Variants in EML4 observed in about 807,000 individuals in gnomAD.
EML4 encodes EMAP like 4.
Under a neutral mutation model 129.0 loss-of-function variants are expected in EML4, and 72 were observed. The ratio of observed to expected loss-of-function variants is 0.56; its 90% CI spans 0.46 to 0.68. The LOEUF is 0.68. Ranked by LOEUF, EML4 falls within the 30% of genes least tolerant of loss-of-function variation. The pLI, the probability that EML4 is intolerant of heterozygous loss-of-function variation, is 0.00. For missense variants in EML4, 1,363 were observed against 1,190.6 expected, an observed-to-expected ratio of 1.14 and a Z score of -2.13; for synonymous variants, 532 against 405.0, an observed-to-expected ratio of 1.31 and a Z score of -3.77.
chr2:42,197,677 A>G (rs1156589316), intron 1 of EML4, among the ~76,000 whole-genome samples: 2 of 152,202 alleles, frequency 1.3e-5, no homozygotes, highest in Non-Finnish European at 2.9e-5. Flanking sequence ...TTTTATCTTA[A>G]AAAGCAAAAA....
At chr2:42,201,348 G>A (rs954026505) in intron 1 of EML4, among the ~76,000 whole-genome samples, 3 of 152,198 alleles carry the variant, frequency 2.0e-5, no homozygotes, top group African/African-American at 7.2e-5. Flanking sequence ...TGGAAACTAA[G>A]GGATGAGTTA....
intron 6 of EML4, among the ~76,000 whole-genome samples, chr2:42,277,650 C>A (rs1666731909): frequency 6.7e-6 from 1 of 149,860 alleles, no homozygotes; most frequent in South Asian, 2.1e-4. Context: ...CTCACTGCAA[C>A]CCCCGCCTCC....
intron 11 of EML4, among the ~76,000 whole-genome samples, chr2:42,291,824 A>G (rs1667659694): frequency 6.6e-6 from 1 of 152,238 alleles, no homozygotes; most frequent in Admixed American, 6.5e-5. Flanking sequence ...TTTTTTAAAC[A>G]GCAAAAGACT....
At chr2:42,201,484 C>T (rs1403119348) in intron 1 of EML4, among the ~76,000 whole-genome samples, 1 of 152,156 alleles carries the variant, frequency 6.6e-6, no homozygotes, top group Non-Finnish European at 1.5e-5. Context: ...TGTGATGAAG[C>T]AGTCCCACTT....
At chr2:42,258,193 A>G (rs1477213643) in intron 3 of EML4, among the ~76,000 whole-genome samples, 1 of 152,044 alleles carries the variant, frequency 6.6e-6, no homozygotes, top group Non-Finnish European at 1.5e-5. Flanking sequence ...CCAGAAGGAA[A>G]ATGGCTCTTT....
rs144282685 is a variant in EML4 at position 42,256,525 on chromosome 2, T to A, written c.233T>A (p.Ile78Asn). Reference sequence around the variant, plus strand: ...GGCCAACCAAGCCCTCGAGCAGTTATTCCCATGTCCTGTATAACCAATGGA... The same window carrying A: ...GGCCAACCAAGCCCTCGAGCAGTTAATCCCATGTCCTGTATAACCAATGGA... ...SKGQPSPRAV[I>N]PMSCITNGSG... Residue 78 changes from isoleucine to asparagine, a missense_variant, in exon 3 of 23, where the codon ATT becomes AAT. Physicochemically the swap from Ile to Asn is moderately radical, Grantham distance 149. Transcript: ENST00000318522. 2.5e-6 allele frequency: 4 copies of A among 1,607,490 alleles called. No homozygotes were observed. The African/African-American group carries it at 5.3e-5, about 21-fold the overall frequency.
chr2:42,210,732 G>C (rs901176220), intron 1 of EML4, among the ~76,000 whole-genome samples: 2 of 152,062 alleles, frequency 1.3e-5, no homozygotes, highest in East Asian at 1.9e-4. Context: ...TTGTTATTCA[G>C]ATTGTTCCAG....
At chr2:42,258,403 A>G (rs1338080272) in intron 3 of EML4, among the ~76,000 whole-genome samples, 3 of 151,478 alleles carry the variant, frequency 2.0e-5, no homozygotes, top group East Asian at 3.9e-4. Context: ...TAAGATATAT[A>G]TATATATATT....
intron 6 of EML4, 27 bp downstream of exon 6, chr2:42,264,758 T>C (rs1279173889): frequency 3.4e-6 from 5 of 1,465,714 alleles, no homozygotes; most frequent in Non-Finnish European, 4.7e-6. Context: ...TTTAAAAATT[T>C]TATTTTGCCC....
At chr2:42,310,797 T>C (rs1176052822) in intron 17 of EML4, among the ~76,000 whole-genome samples, 2 of 151,718 alleles carry the variant, frequency 1.3e-5, no homozygotes, top group Non-Finnish European at 2.9e-5. Context: ...TTAAAAAACA[T>C]TTTTTTTTAA....
intron 1 of EML4, among the ~76,000 whole-genome samples, chr2:42,173,659 G>C (rs1276553871): frequency 6.6e-6 from 1 of 151,904 alleles, no homozygotes; most frequent in African/African-American, 2.4e-5. Flanking sequence ...GACCAGCCTG[G>C]GCAACATAGC....
rs1288386086 is a variant in EML4 at position 42,329,989 on chromosome 2, G to A, written c.2728G>A (p.Ala910Thr). ...TCCTTCTCAGCCCTTAAATGAGACAGCTGAAGAGGAAAGTAGAATAAGCAG... is the reference window on the plus strand; with the variant it reads ...TCCTTCTCAGCCCTTAAATGAGACAACTGAAGAGGAAAGTAGAATAAGCAG... Reference protein sequence around the residue: ...PPPSQPLNETAEEESRISSSP... With the variant: ...PPPSQPLNETTEEESRISSSP... Residue 910 changes from alanine to threonine, a missense_variant, in exon 23 of 23, where the codon GCT becomes ACT. By Grantham distance (58) the Ala-to-Thr change is moderately conservative (BLOSUM62 0). Transcript: ENST00000318522. 1 of 1,613,926 alleles carries A rather than the reference G, an allele frequency of 6.2e-7. No homozygotes were observed. The highest frequency in any genetic ancestry group is 1.3e-5 in the African/African-American group (1 of 74,962).
intron 9 of EML4, 76 bp downstream of exon 9, chr2:42,284,779 C>G: frequency 9.4e-7 from 1 of 1,068,852 alleles, no homozygotes; most frequent in Non-Finnish European, 1.3e-6. Flanking sequence ...ATTTTAACCA[C>G]AACTCATTTG....
intron 1 of EML4, among the ~76,000 whole-genome samples, chr2:42,226,546 A>T (rs1673970443): frequency 6.6e-6 from 1 of 151,716 alleles, no homozygotes; most frequent in Admixed American, 6.6e-5. Flanking sequence ...AATCCCAGCC[A>T]CTCGGGAGGC....
intron 1 of EML4, among the ~76,000 whole-genome samples, chr2:42,174,044 T>C (rs1670430613): frequency 6.6e-6 from 1 of 152,182 alleles, no homozygotes. Context: ...TGAAATAATT[T>C]AGCAGTTTAA....
chr2:42,289,307 T>C (rs1168689665), intron 11 of EML4: 1 of 152,196 alleles, frequency 6.6e-6, no homozygotes, highest in Non-Finnish European at 1.5e-5. Context: ...CTTGTGGTTT[T>C]CCTCCTACTG....
Position 42,285,333 on chromosome 2 carries a change from AATGGTGACTGAGTAACGT to A in EML4, c.1011+634_1011+651del, listed in dbSNP as rs1264385578. Among the ~76,000 whole-genome samples the A allele has an allele frequency of 3.3e-5, 5 of 152,286 alleles. No individual in the cohort carries two copies. In the South Asian group the frequency reaches 8.3e-4, roughly 25 times the overall value. ...TTTCTAAGGATCAACAGTGACTATT[AATGGTGACTGAGTAACGT>A]ATGTATGACTATACTCATGACATTC... On this transcript the variant is annotated intron_variant, in intron 9 of 22. Transcript: ENST00000318522.
intron 5 of EML4, among the ~76,000 whole-genome samples, chr2:42,264,485 G>C (rs184901874): frequency 3.9e-5 from 6 of 152,188 alleles, no homozygotes; most frequent in African/African-American, 7.2e-5. Flanking sequence ...TGCTTTCACT[G>C]TTTAGATGCT....
chr2:42,205,443 CAAT>C (rs560707836), intron 1 of EML4, among the ~76,000 whole-genome samples: 3 of 151,626 alleles, frequency 2.0e-5, no homozygotes, highest in Non-Finnish European at 2.9e-5. Flanking sequence ...TCAGCTTGCC[CAAT>C]AATAATAATA....
Sources: gnomAD v4.1 joint callset for allele counts (sites outside exome capture counted in the v4.1 genomes callset) on GRCh38, gnomAD v4.1.1 for gene constraint, MANE v1.5 for transcripts, NCBI Gene and HGNC (gene_info 2026-07-23, HGNC 2026-07-21) for gene names.